The following PDIA3 variants were observed in gnomAD, a reference collection of about 807,000 sequenced individuals.
PDIA3 encodes protein disulfide-isomerase A3.
A neutral mutation model predicts 56.9 loss-of-function variants in PDIA3; 16 were observed. The ratio of observed to expected loss-of-function variants is 0.28; its 90% confidence interval spans 0.19 to 0.43. The LOEUF is 0.43. Ranked by LOEUF, PDIA3 falls within the 20% of genes least tolerant of loss-of-function variation. The pLI is 1.00. For synonymous variants in PDIA3, 192 were observed against 216.5 expected, an observed-to-expected ratio of 0.89 and a Z score of 0.99; for missense variants, 485 against 621.3, an observed-to-expected ratio of 0.78 and a Z score of 2.33.
At position 43,771,922 on chromosome 15, in the gene PDIA3, C is replaced by T. The variant is rs189506936; in HGVS notation, c.*704C>T. The T allele has an allele frequency of 1.4e-5, 4 of 288,738 alleles. No homozygotes were observed. The highest frequency in any genetic ancestry group is 1.1e-4 in the East Asian group (2 of 17,540). The allele number at this position is 288,738 out of a possible 1,614,324, so 17.9% of individuals were successfully genotyped here. ...GATGGGTTCCTGTTTATCCTTGCCA[C>T]GCAGCTGAGCTTACTGCATGTTTAT... is the stretch of plus-strand genomic sequence containing the variant. On this transcript the variant is annotated 3_prime_UTR_variant, in exon 13 of 13. Coordinates refer to ENST00000300289, the MANE Select transcript of PDIA3 (RefSeq NM_005313.5).
chr15:43,748,693 A>G (rs1253330180), intron 1 of PDIA3, among the ~76,000 whole-genome samples: 1 of 152,050 alleles, frequency 6.6e-6, no homozygotes, highest in South Asian at 2.1e-4. Context: ...TGAATGAGCA[A>G]TTTGGAGTTA....
At chr15:43,762,463 A>G (rs2086822605) in intron 4 of PDIA3, among the ~76,000 whole-genome samples, 1 of 151,014 alleles carries the variant, frequency 6.6e-6, no homozygotes, top group African/African-American at 2.4e-5. Flanking sequence ...GTGAGCTAAG[A>G]TCGCGCCATT....
chr15:43,748,531 T>C (rs1023398285), intron 1 of PDIA3, among the ~76,000 whole-genome samples: 1 of 152,160 alleles, frequency 6.6e-6, no homozygotes, highest in African/African-American at 2.4e-5. Context: ...TTTCCTACTT[T>C]AAATTGTTAC....
At chr15:43,747,373 C>A (rs555486729) in intron 1 of PDIA3, among the ~76,000 whole-genome samples, 1 of 152,144 alleles carries the variant, frequency 6.6e-6, no homozygotes, top group Non-Finnish European at 1.5e-5. Flanking sequence ...TTTTAAATAG[C>A]ATTTCTTTAA....
intron 8 of PDIA3, 116 bp downstream of exon 8, chr15:43,767,026 C>T: frequency 1.1e-6 from 1 of 916,062 alleles, no homozygotes; most frequent in African/African-American, 1.7e-5. Context: ...TTAATCAAGA[C>T]CTATGACTGT....
rs201439446 is a variant in PDIA3 at position 43,768,539 on chromosome 15, A to T, written c.1079A>T (p.Asn360Ile). ...ERFLQDYFDG[N>I]LKRYLKSEPI... Reference sequence around the variant, plus strand: ...TTCCTGCAGGATTACTTTGATGGCAATCTGAAGAGATACCTGAAGTCTGAA... The same window carrying T: ...TTCCTGCAGGATTACTTTGATGGCATTCTGAAGAGATACCTGAAGTCTGAA... The change falls in exon 9 of 13, where the codon AAT (asparagine) becomes ATT (isoleucine). Residue 360 changes from asparagine (N) to isoleucine (I), a missense_variant. Asn to Ile is a moderately radical substitution (Grantham distance 149). Transcript: ENST00000300289. 3.2e-5 allele frequency: 51 copies of T among 1,613,968 alleles called. No homozygotes were observed. In the African/African-American group the frequency reaches 5.6e-4, roughly 18 times the overall value.
chr15:43,749,774 T>C (rs905039464), intron 1 of PDIA3, among the ~76,000 whole-genome samples: 12 of 152,022 alleles, frequency 7.9e-5, no homozygotes, highest in African/African-American at 2.9e-4. Flanking sequence ...ACCCCATCTC[T>C]ACTAAAAAAT....
chr15:43,770,545 C>T lies in PDIA3; in HGVS notation c.1369C>T (p.Pro457Ser). 6.2e-7 allele frequency: 1 copy of T among 1,612,156 alleles called. No homozygotes were observed. Among genetic ancestry groups the T allele is most frequent in the Non-Finnish European group, 8.5e-7 (1 of 1,178,192 alleles). ...CAGTTTTCCTACCATATACTTCTCT[C>T]CAGCCAACAAGAAGCTAAATCCAAA... ...VRGFPTIYFSPANKKLNPKKY... is the reference protein window; with the variant it reads ...VRGFPTIYFSSANKKLNPKKY... Residue 457 changes from proline (P) to serine (S), a missense_variant, in exon 12 of 13, where the codon CCA (proline) becomes TCA (serine). By Grantham distance (74) the Pro-to-Ser change is moderately conservative. Coordinates refer to ENST00000300289, the MANE Select transcript of PDIA3 (RefSeq NM_005313.5).
chr15:43,754,186 G>A (rs1292298460), intron 2 of PDIA3, among the ~76,000 whole-genome samples: 1 of 151,938 alleles, frequency 6.6e-6, no homozygotes, highest in African/African-American at 2.4e-5. Flanking sequence ...ACGAAGTCAA[G>A]AGATTGAGAC....
chr15:43,770,368 AGATAG>A, intron 11 of PDIA3, 39 bp downstream of exon 11: 1 of 1,529,836 alleles, frequency 6.5e-7, no homozygotes, highest in Non-Finnish European at 9.1e-7. Context: ...TCTAGGCAAT[AGATAG>A]GAATAAAGCT....
At chr15:43,746,854 G>T (rs1443006569) in intron 1 of PDIA3, 148 bp downstream of exon 1, 3 of 907,096 alleles carry the variant, frequency 3.3e-6, no homozygotes, top group Middle Eastern at 3.1e-4. Context: ...CCCGGGAGCT[G>T]GAGGCGCCTC....
chr15:43,765,153 A>G (rs2086839981), intron 5 of PDIA3, among the ~76,000 whole-genome samples: 1 of 152,124 alleles, frequency 6.6e-6, no homozygotes, highest in Admixed American at 6.6e-5. Context: ...AGATGGGAGG[A>G]TCGCTTGAGC....
chr15:43,760,460 TTAAA>T (rs1451271623), intron 3 of PDIA3, among the ~76,000 whole-genome samples: 1 of 151,928 alleles, frequency 6.6e-6, no homozygotes, highest in African/African-American at 2.4e-5. Context: ...TTGTGTCTGC[TTAAA>T]TAAACTGTGG....
Position 43,766,697 on chromosome 15 carries a change from T to C in PDIA3, c.846-31T>C, listed in dbSNP as rs199789060. The C allele has an allele frequency of 1.3e-4, 205 of 1,603,322 alleles. 1 individual carries two copies. The Middle Eastern group carries it at 4.5e-3, about 35-fold the overall frequency. ...AAAAGTGCTTGACCACCCTGTATAG[T>C]CTTGGCACAAATGTCTCTTGTTTCC... On this transcript the variant is annotated intron_variant, in intron 7 of 12. Transcript: ENST00000300289.
chr15:43,771,262 A>T lies in PDIA3; in HGVS notation c.*44A>T. 1 of 1,277,688 alleles carries T rather than the reference A, an allele frequency of 7.8e-7. No individual in the cohort carries two copies. The highest frequency in any genetic ancestry group is 1.1e-6 in the Non-Finnish European group (1 of 883,688). The allele number at this position is 1,277,688 out of a possible 1,614,324, so 79.1% of individuals were successfully genotyped here. On this transcript the variant is annotated 3_prime_UTR_variant, in exon 13 of 13. Coordinates refer to ENST00000300289, the MANE Select transcript of PDIA3 (RefSeq NM_005313.5). ...CTTTGTAAAAGGACTCTTCCATCAGAGATGGGAAAACCATTGGGGAGGACT... is the reference window on the plus strand; with the variant it reads ...CTTTGTAAAAGGACTCTTCCATCAGTGATGGGAAAACCATTGGGGAGGACT...
chr15:43,765,434 CTT>C lies in PDIA3; in HGVS notation c.603-5_603-4del, dbSNP rs747857317. On this transcript the variant is annotated splice_polypyrimidine_tract_variant and intron_variant, in intron 5 of 12. Coordinates refer to ENST00000300289, the MANE Select transcript of PDIA3 (RefSeq NM_005313.5). The stretch of plus-strand genomic sequence containing the variant: ...CTGCTATCTGCCTACTGAGACTTTT[CTT>C]TTTTTTTTTTAAGGGGTATCATCTT... The C allele has an allele frequency of 6.8e-5, 80 of 1,184,858 alleles. No homozygotes were observed. The highest frequency in any genetic ancestry group is 8.1e-5 in the Non-Finnish European group (67 of 832,138). 73.4% of individuals were successfully genotyped at this position (1,184,858 alleles called of 1,614,324 possible).
Position 43,753,039 on chromosome 15 carries a change from T to C in PDIA3, c.168-785T>C, listed in dbSNP as rs535596865. On this transcript the variant is annotated intron_variant, in intron 1 of 12. Coordinates refer to ENST00000300289, the MANE Select transcript of PDIA3 (RefSeq NM_005313.5). ...GGCCTGCCATCTAAAAGACTTAATA[T>C]CATACTTGAGACATTACAGGGTTTC... is the stretch of plus-strand genomic sequence containing the variant. 71 of 365,182 alleles carry C rather than the reference T, an allele frequency of 1.9e-4. 1 individual carries two copies. Among genetic ancestry groups the C allele is most frequent in the South Asian group, 1.4e-3 (70 of 49,524 alleles). The allele number at this position is 365,182 out of a possible 1,614,324, so 22.6% of individuals were successfully genotyped here.
chr15:43,748,489 A>T (rs561092990), intron 1 of PDIA3, among the ~76,000 whole-genome samples: 1 of 151,984 alleles, frequency 6.6e-6, no homozygotes, highest in African/African-American at 2.4e-5. Flanking sequence ...AAAAAAAAAA[A>T]CCAGAATTTT....
Position 43,746,758 on chromosome 15 carries a change from C to A in PDIA3, c.167+52C>A, listed in dbSNP as rs746414887. The A allele has an allele frequency of 6.9e-6, 11 of 1,593,338 alleles. No individual in the cohort carries two copies. The South Asian group carries it at 1.1e-4, about 16-fold the overall frequency. ...AAGAAAGGCGGGGCTGGGCCGGGGGCGAGAGCGCGGGGAACTGTTGGGCCT... is the reference window on the plus strand; with the variant it reads ...AAGAAAGGCGGGGCTGGGCCGGGGGAGAGAGCGCGGGGAACTGTTGGGCCT... On this transcript the variant is annotated intron_variant, in intron 1 of 12. Transcript: ENST00000300289.
Sources: allele counts gnomAD v4.1 joint callset (sites outside exome capture counted in the v4.1 genomes callset), GRCh38; gene constraint gnomAD v4.1.1; transcripts MANE v1.5; gene names NCBI Gene and HGNC (gene_info 2026-07-23, HGNC 2026-07-21).